Variants in PRKAR1A observed in about 807,000 individuals in gnomAD.
PRKAR1A encodes the protein cAMP-dependent protein kinase type I-alpha regulatory subunit.
In PRKAR1A, 3 loss-of-function variants were observed where a neutral mutation model predicts 52.0. The observed-to-expected ratio is 0.06, with a 90% confidence interval of 0.03 to 0.15. PRKAR1A has a LOEUF of 0.15. Among genes scored for constraint, PRKAR1A ranks in the 10% least tolerant of loss-of-function variants. PRKAR1A has a pLI of 1.00. For synonymous variants in PRKAR1A, 188 were observed against 168.4 expected (o/e 1.12, Z -0.90); for missense variants, 240 against 477.4 (o/e 0.50, Z 4.63).
intron 11 of PRKAR1A, chr17:68,541,129 A>T: frequency 5.5e-6 from 5 of 902,114 alleles, no homozygotes; most frequent in Non-Finnish European, 8.2e-6. Flanking sequence ...AAGGCTGCAT[A>T]TTCCGTGTGG....
chr17:68,481,778 A>T, the PRKAR1A span, among the ~76,000 whole-genome samples: 2 of 152,134 alleles, frequency 1.3e-5, no homozygotes, highest in East Asian at 3.8e-4. Flanking sequence ...TATGCTGGTC[A>T]GTGGGGATAT....
At chr17:68,429,679 C>G in the PRKAR1A span, among the ~76,000 whole-genome samples, 17 of 152,186 alleles carry the variant, frequency 1.1e-4, no homozygotes, top group African/African-American at 3.9e-4. Context: ...ACCTCCGCCT[C>G]CTGGGTTCAA....
the PRKAR1A span, among the ~76,000 whole-genome samples, chr17:68,492,266 G>A: frequency 1.3e-5 from 2 of 152,078 alleles, no homozygotes; most frequent in Non-Finnish European, 2.9e-5. Context: ...GGAAAGAGCC[G>A]ATCTTATTTG....
downstream of PRKAR1A, chr17:68,535,769 A>G (rs2143427698): frequency 2.2e-6 from 1 of 453,372 alleles, no homozygotes; most frequent in Non-Finnish European, 4.4e-6. Flanking sequence ...GTTTAGGCCC[A>G]AAGTGCTGGG....
the PRKAR1A span, among the ~76,000 whole-genome samples, chr17:68,504,822 TAA>T: frequency 2.0e-5 from 3 of 152,136 alleles, no homozygotes; most frequent in Non-Finnish European, 4.4e-5. Context: ...TAAAAATAAT[TAA>T]AAGAGTATAA....
chr17:68,513,706 A>G (rs1264813284), intron 1 of PRKAR1A, among the ~76,000 whole-genome samples: 2 of 152,226 alleles, frequency 1.3e-5, no homozygotes, highest in East Asian at 1.9e-4. Flanking sequence ...AGGGATTTAC[A>G]TGGTGACTGC....
At chr17:68,446,811 T>C in the PRKAR1A span, among the ~76,000 whole-genome samples, 15 of 152,156 alleles carry the variant, frequency 9.9e-5, no homozygotes, top group Non-Finnish European at 7.3e-5. Context: ...TGCATTTTTT[T>C]CCCAAGAGCT....
the PRKAR1A span, among the ~76,000 whole-genome samples, chr17:68,475,010 A>G: frequency 1.3e-5 from 2 of 152,226 alleles, no homozygotes; most frequent in Admixed American, 1.3e-4. Flanking sequence ...TATTTTTGTA[A>G]TGAAAGAATA....
chr17:68,487,192 A>G, the PRKAR1A span, among the ~76,000 whole-genome samples: 1 of 152,190 alleles, frequency 6.6e-6, no homozygotes. Context: ...ATTTAATAAG[A>G]CATTCATGTA....
At chr17:68,537,767 A>C, downstream of PRKAR1A, 1 of 1,596,684 alleles carries the variant, frequency 6.3e-7, no homozygotes, top group Non-Finnish European at 8.5e-7. The surrounding 1 kb of genome is among the most constrained non-coding windows in gnomAD (Gnocchi z 4.2). Context: ...TACAGGAACC[A>C]AATAAGCAAA....
At chr17:68,508,807 A>G (rs1261829765), upstream of PRKAR1A, among the ~76,000 whole-genome samples, 1 of 152,212 alleles carries the variant, frequency 6.6e-6, no homozygotes, top group Non-Finnish European at 1.5e-5. Flanking sequence ...TTTTCAATTA[A>G]TGCTCAAGAT....
At chr17:68,506,712 G>A in the PRKAR1A span, among the ~76,000 whole-genome samples, 3 of 152,066 alleles carry the variant, frequency 2.0e-5, no homozygotes, top group Non-Finnish European at 2.9e-5. Flanking sequence ...TCAAACTCCT[G>A]ACCTCGTGAT....
chr17:68,474,768 G>A, the PRKAR1A span, among the ~76,000 whole-genome samples: 9 of 152,212 alleles, frequency 5.9e-5, no homozygotes, highest in East Asian at 1.9e-4. Flanking sequence ...GGTGGCGGGC[G>A]CCTGTAGTCC....
chr17:68,522,668 G>C, intron 2 of PRKAR1A, 88 bp from the exon 3 acceptor site: 6 of 1,403,300 alleles, frequency 4.3e-6, no homozygotes, highest in Non-Finnish European at 6.0e-6. Context: ...GAGATTGGAA[G>C]TGACTGAGAT....
At chr17:68,462,550 A>T in the PRKAR1A span, among the ~76,000 whole-genome samples, 1 of 152,204 alleles carries the variant, frequency 6.6e-6, no homozygotes, top group Non-Finnish European at 1.5e-5. Context: ...ATGTGACGCT[A>T]ACCACATCTA....
chr17:68,539,556 A>G (rs1262749922), intron 11 of PRKAR1A, among the ~76,000 whole-genome samples: 1 of 152,202 alleles, frequency 6.6e-6, no homozygotes, highest in Non-Finnish European at 1.5e-5. Context: ...TCAGATCACA[A>G]AAGCATCTGT....
the PRKAR1A span, among the ~76,000 whole-genome samples, chr17:68,422,925 CTT>C: frequency 2.0e-5 from 3 of 152,074 alleles, no homozygotes; most frequent in African/African-American, 7.2e-5. Context: ...GATCAAGTCT[CTT>C]TTCTTTCACT....
chr17:68,495,940 C>T, the PRKAR1A span, among the ~76,000 whole-genome samples: 1 of 132,686 alleles, frequency 7.5e-6, no homozygotes, highest in African/African-American at 3.0e-5. Context: ...GTTTCCTTTC[C>T]TTTCCTTTCC....
the PRKAR1A span, among the ~76,000 whole-genome samples, chr17:68,446,314 G>A: frequency 6.6e-6 from 1 of 152,058 alleles, no homozygotes; most frequent in Non-Finnish European, 1.5e-5. Context: ...TCGGGTGGCA[G>A]GGACTACAGG....
Sources: allele counts gnomAD v4.1 joint callset (sites outside exome capture counted in the v4.1 genomes callset), GRCh38; gene constraint gnomAD v4.1.1; non-coding constraint Gnocchi (gnomAD v3.1); transcripts MANE v1.5; gene names NCBI Gene and HGNC (gene_info 2026-07-23, HGNC 2026-07-21).